ARMC9: variants seen among roughly 807,000 people sequenced by gnomAD.
ARMC9 encodes the protein lisH domain-containing protein ARMC9.
Under a neutral mutation model 107.0 loss-of-function variants are expected in ARMC9, and 94 were observed. That is an observed-to-expected ratio of 0.88 (90% confidence interval 0.74 to 1.04). The LOEUF (loss-of-function observed/expected upper bound fraction) is 1.04. Ranked by LOEUF, ARMC9 falls within the 50% of genes least tolerant of loss-of-function variation. The probability of loss-of-function intolerance (pLI) is 0.00; values close to 1 mark genes in which losing one functional copy is unlikely to be tolerated. For missense variants in ARMC9, 942 were observed against 1,030.1 expected (o/e 0.91, Z 1.17); for synonymous variants, 380 against 396.9 (o/e 0.96, Z 0.51).
chr2:231,341,616 ATGAT>A (rs955253787), intron 20 of ARMC9, among the ~76,000 whole-genome samples: 8 of 139,696 alleles, frequency 5.7e-5, no homozygotes, highest in Non-Finnish European at 4.5e-5. Context: ...AGAGATATAG[ATGAT>A]TGATTGATAG....
intron 7 of ARMC9, among the ~76,000 whole-genome samples, chr2:231,233,037 G>T (rs2035383726): frequency 6.6e-6 from 1 of 151,786 alleles, no homozygotes; most frequent in South Asian, 2.1e-4. Flanking sequence ...TTTTAGTAGA[G>T]ACGGGGTTTC....
chr2:231,248,806 CAAAAAAAAA>C (rs35234269), intron 9 of ARMC9, among the ~76,000 whole-genome samples: 5 of 38,026 alleles, frequency 1.3e-4, no homozygotes, highest in African/African-American at 3.6e-4. Context: ...GGTTCTGTCT[CAAAAAAAAA>C]AAAAAAAAAA....
chr2:231,200,181 A>G (rs2030608006), intron 1 of ARMC9, among the ~76,000 whole-genome samples: 1 of 152,170 alleles, frequency 6.6e-6, no homozygotes, highest in Non-Finnish European at 1.5e-5. Context: ...CGGAGAGAGT[A>G]ATATGCGCAA....
chr2:231,230,051 GAC>G (rs2035059085), intron 7 of ARMC9, among the ~76,000 whole-genome samples: 1 of 152,132 alleles, frequency 6.6e-6, no homozygotes. Context: ...GTTATAATAA[GAC>G]ATCTCCATTA....
chr2:231,332,532 G>A (rs1443965725), intron 20 of ARMC9, among the ~76,000 whole-genome samples: 3 of 152,218 alleles, frequency 2.0e-5, no homozygotes, highest in East Asian at 1.9e-4. Context: ...TCTGGGATGG[G>A]TCCTTAAGCT....
chr2:231,261,611 C>A (rs544489628), intron 11 of ARMC9, among the ~76,000 whole-genome samples: 1 of 152,290 alleles, frequency 6.6e-6, no homozygotes, highest in African/African-American at 2.4e-5. Context: ...TTCCCTATCC[C>A]CCACTGTGCT....
chr2:231,371,408 G>T (rs973499403), intron 24 of ARMC9, 105 bp from the exon 25 acceptor site: 8 of 1,270,902 alleles, frequency 6.3e-6, no homozygotes, highest in Admixed American at 3.2e-5. Flanking sequence ...GAGAGGGAAG[G>T]TTCCCTCGCT....
chr2:231,252,161 GA>G lies in ARMC9; in HGVS notation c.880-4420del, dbSNP rs376806636. ...AGGTAGAAAACGTTTTTTGGCTACG[GA>G]AAAAGGAGAATGTTGATAAATTTCA... On this transcript the variant is annotated intron_variant, in intron 9 of 24. Transcript: ENST00000611582. Among the ~76,000 whole-genome samples, 117 of 152,180 alleles carry G rather than the reference GA, an allele frequency of 7.7e-4. 1 individual carries two copies. The highest frequency in any genetic ancestry group is 2.7e-3 in the African/African-American group (112 of 41,538).
intron 19 of ARMC9, among the ~76,000 whole-genome samples, chr2:231,328,804 C>CTTTTG (rs1294809680): frequency 0.021 from 2,522 of 118,450 alleles, 393 homozygotes; most frequent in African/African-American, 0.046. Flanking sequence ...GTTCAATTTT[C>CTTTTG]TTTTCTTTTC....
intron 22 of ARMC9, among the ~76,000 whole-genome samples, chr2:231,359,550 C>T (rs374131583): frequency 6.6e-6 from 1 of 152,204 alleles, no homozygotes; most frequent in Non-Finnish European, 1.5e-5. Flanking sequence ...TACGCTCACA[C>T]CCCCTGGGAA....
intron 19 of ARMC9, among the ~76,000 whole-genome samples, chr2:231,305,224 A>G (rs1274202276): frequency 6.6e-6 from 1 of 152,240 alleles, no homozygotes; most frequent in Non-Finnish European, 1.5e-5. Flanking sequence ...TCTATGGTGA[A>G]ATACAGTGAC....
intron 8 of ARMC9, among the ~76,000 whole-genome samples, chr2:231,236,548 G>A (rs1315105081): frequency 2.0e-5 from 3 of 152,174 alleles, no homozygotes; most frequent in African/African-American, 7.2e-5. Context: ...TGTAATCCCA[G>A]CACTTTGGAA....
chr2:231,318,247 C>A (rs188108301), intron 19 of ARMC9, among the ~76,000 whole-genome samples: 1 of 141,758 alleles, frequency 7.1e-6, no homozygotes, highest in Admixed American at 6.6e-5. Flanking sequence ...ATCATTTTCT[C>A]CAATCCCAGG....
At chr2:231,236,422 T>C (rs1462106282) in intron 8 of ARMC9, among the ~76,000 whole-genome samples, 1 of 152,242 alleles carries the variant, frequency 6.6e-6, no homozygotes, top group Admixed American at 6.5e-5. Flanking sequence ...TTCCTGACTC[T>C]ATAAAGTACA....
chr2:231,270,382 T>G, intron 12 of ARMC9: 1 of 344,652 alleles, frequency 2.9e-6, no homozygotes, highest in East Asian at 8.0e-5. Flanking sequence ...TCCAAGTGCT[T>G]CTTGAACAAC....
chr2:231,307,154 C>T (rs2042077843), intron 19 of ARMC9, among the ~76,000 whole-genome samples: 2 of 152,212 alleles, frequency 1.3e-5, no homozygotes, highest in African/African-American at 4.8e-5. Context: ...GCTCACAGTG[C>T]CCCAGGGGCA....
At chr2:231,287,156 A>C (rs1161588286) in intron 17 of ARMC9, among the ~76,000 whole-genome samples, 1 of 152,202 alleles carries the variant, frequency 6.6e-6, no homozygotes, top group Non-Finnish European at 1.5e-5. Context: ...GTCCAAGCAC[A>C]CCATGGGGCT....
intron 19 of ARMC9, among the ~76,000 whole-genome samples, chr2:231,315,735 A>AT (rs111648101): frequency 0.46 from 69,683 of 151,872 alleles, 18,200 homozygotes; most frequent in African/African-American, 0.72. Context: ...TAATATTCAT[A>AT]TTAATGTAAT....
intron 7 of ARMC9, among the ~76,000 whole-genome samples, chr2:231,234,883 GGCGTGA>G (rs1320459952): frequency 6.6e-6 from 1 of 152,232 alleles, no homozygotes; most frequent in Non-Finnish European, 1.5e-5. Flanking sequence ...TGGGATTACA[GGCGTGA>G]GCCACCACCA....
Sources: gnomAD v4.1 joint callset for allele counts (sites outside exome capture counted in the v4.1 genomes callset) on GRCh38, gnomAD v4.1.1 for gene constraint, MANE v1.5 for transcripts, NCBI Gene and HGNC (gene_info 2026-07-23, HGNC 2026-07-21) for gene names.